The following IMPG1 variants were observed in gnomAD, a reference collection of about 807,000 sequenced individuals.
IMPG1 encodes the protein interphotoreceptor matrix proteoglycan of 150 kDa.
A neutral mutation model predicts 92.0 loss-of-function variants in IMPG1; 85 were observed. The ratio of observed to expected loss-of-function variants is 0.92; its 90% CI spans 0.78 to 1.11. The LOEUF (loss-of-function observed/expected upper bound fraction) is 1.11. Among genes scored for constraint, IMPG1 ranks in the 50% least tolerant of loss-of-function variants. The pLI is 0.00. For synonymous variants in IMPG1, 367 were observed against 334.1 expected (o/e 1.10, Z -1.08); for missense variants, 1,022 against 956.0 (o/e 1.07, Z -0.91).
intron 12 of IMPG1, among the ~76,000 whole-genome samples, chr6:75,967,987 G>A (rs1205288261): frequency 6.6e-6 from 1 of 152,184 alleles, no homozygotes; most frequent in Non-Finnish European, 1.5e-5. Context: ...CAGAACTCAG[G>A]AATGGAGACG....
At chr6:75,980,854 C>G (rs897620161) in intron 12 of IMPG1, among the ~76,000 whole-genome samples, 1 of 152,144 alleles carries the variant, frequency 6.6e-6, no homozygotes, top group Non-Finnish European at 1.5e-5. Context: ...ATGCATATAT[C>G]CTATTAGTTC....
intron 14 of IMPG1, among the ~76,000 whole-genome samples, chr6:75,944,428 T>A (rs1006802147): frequency 6.6e-6 from 1 of 152,242 alleles, no homozygotes; most frequent in South Asian, 2.1e-4. Context: ...TTTTAACTTA[T>A]AAAATCCATA....
At position 76,007,430 on chromosome 6, in the gene IMPG1, T is replaced by C. The variant is rs1364580962; in HGVS notation, c.887+50A>G. ...ATTTGTGCAAAATCAGTATATAAAT[T>C]TGGGGGAGACGGGAATGTACTATAT... On this transcript the variant is annotated intron_variant, in intron 9 of 16. Coordinates refer to ENST00000369950, the MANE Select transcript of IMPG1 (RefSeq NM_001563.4). 4 of 1,393,860 alleles carry C rather than the reference T, an allele frequency of 2.9e-6. No homozygotes were observed. The Admixed American group carries it at 5.8e-5, about 20-fold the overall frequency. 86.3% of individuals were successfully genotyped at this position (1,393,860 alleles called of 1,614,324 possible).
At chr6:76,069,343 G>A (rs1347706161) in intron 1 of IMPG1, among the ~76,000 whole-genome samples, 1 of 152,042 alleles carries the variant, frequency 6.6e-6, no homozygotes, top group African/African-American at 2.4e-5. Flanking sequence ...GAACTCAAAA[G>A]CAAATGTAAC....
intron 13 of IMPG1, among the ~76,000 whole-genome samples, chr6:75,949,444 G>A (rs2149457007): frequency 6.6e-6 from 1 of 152,294 alleles, no homozygotes; most frequent in South Asian, 2.1e-4. Flanking sequence ...CTAAAAAGGG[G>A]AGGCATGAAT....
chr6:75,976,543 A>C (rs1475048066), intron 12 of IMPG1, among the ~76,000 whole-genome samples: 1 of 152,124 alleles, frequency 6.6e-6, no homozygotes, highest in African/African-American at 2.4e-5. Context: ...CCTGGGCGAC[A>C]GAGCGAGACT....
intron 12 of IMPG1, among the ~76,000 whole-genome samples, chr6:75,999,590 G>A (rs1039688191): frequency 8.5e-5 from 13 of 152,102 alleles, no homozygotes; most frequent in Middle Eastern, 3.4e-3. Context: ...TCTGTTTTCC[G>A]TTTTCCATGT....
At chr6:75,997,629 C>T (rs556679954) in intron 12 of IMPG1, among the ~76,000 whole-genome samples, 1 of 152,220 alleles carries the variant, frequency 6.6e-6, no homozygotes, top group South Asian at 2.1e-4. Context: ...GCGTGGGTAC[C>T]AGCACAGGGA....
intron 14 of IMPG1, among the ~76,000 whole-genome samples, chr6:75,940,360 CT>C (rs1781818443): frequency 6.6e-6 from 1 of 152,120 alleles, no homozygotes; most frequent in South Asian, 2.1e-4. Context: ...TTTTTGGAGT[CT>C]TTTAAAAATA....
intron 12 of IMPG1, among the ~76,000 whole-genome samples, chr6:75,983,651 A>G (rs563572790): frequency 6.6e-6 from 1 of 152,328 alleles, no homozygotes; most frequent in South Asian, 2.1e-4. Context: ...GAAAATCTCC[A>G]TGAAAATGGT....
intron 12 of IMPG1, among the ~76,000 whole-genome samples, chr6:75,961,706 C>T (rs546340769): frequency 6.6e-6 from 1 of 152,282 alleles, no homozygotes; most frequent in South Asian, 2.1e-4. Context: ...ATGAGTTAGC[C>T]ATGCAGCAAA....
chr6:76,029,170 C>T (rs1783609733), intron 4 of IMPG1, among the ~76,000 whole-genome samples: 1 of 152,198 alleles, frequency 6.6e-6, no homozygotes, highest in Non-Finnish European at 1.5e-5. Context: ...AAGAATGTCA[C>T]TTTCTAACAG....
rs572734786 is a variant in IMPG1, at chr6:75,935,872, G to A, written c.2045-4721C>T. Among the ~76,000 whole-genome samples the A allele has an allele frequency of 2.4e-4, 36 of 152,308 alleles. No individual in the cohort carries two copies. The South Asian group carries it at 4.8e-3, about 20-fold the overall frequency. ...GGCCTAGAGCCCAGGAAGTCTTAAT[G>A]AGGCCCTGGTAGTCTGACAGTTCTC... On this transcript the variant is annotated intron_variant, in intron 14 of 16. Transcript: ENST00000369950.
chr6:75,995,544 C>T (rs1782883880), intron 12 of IMPG1, among the ~76,000 whole-genome samples: 1 of 152,094 alleles, frequency 6.6e-6, no homozygotes, highest in African/African-American at 2.4e-5. Context: ...GCCTTCTTGT[C>T]GTTCAGATCT....
intron 12 of IMPG1, among the ~76,000 whole-genome samples, chr6:75,999,109 G>A (rs558244243): frequency 1.4e-4 from 21 of 152,104 alleles, no homozygotes; most frequent in Admixed American, 2.6e-4. Context: ...TGCCTGCCTC[G>A]GCCTCCCAAA....
chr6:76,006,734 A>G (rs1329712642), intron 9 of IMPG1, among the ~76,000 whole-genome samples: 1 of 152,150 alleles, frequency 6.6e-6, no homozygotes, highest in Non-Finnish European at 1.5e-5. Flanking sequence ...GAGAAAAGAG[A>G]AAAATAAGCA....
chr6:75,967,491 C>T (rs1422576018), intron 12 of IMPG1, among the ~76,000 whole-genome samples: 2 of 152,118 alleles, frequency 1.3e-5, no homozygotes, highest in Non-Finnish European at 2.9e-5. Flanking sequence ...CCTCATCAGA[C>T]ACAATGTCAG....
intron 14 of IMPG1, among the ~76,000 whole-genome samples, chr6:75,937,860 T>G (rs909807142): frequency 6.6e-6 from 1 of 152,196 alleles, no homozygotes; most frequent in African/African-American, 2.4e-5. Flanking sequence ...TTGAGGAGGC[T>G]TCTTAGGAAT....
At chr6:76,026,858 A>G (rs1783548295) in intron 4 of IMPG1, among the ~76,000 whole-genome samples, 1 of 152,062 alleles carries the variant, frequency 6.6e-6, no homozygotes, top group African/African-American at 2.4e-5. Flanking sequence ...ATTTTGTTAT[A>G]CATCCTGAGG....
Sources: gnomAD v4.1 joint callset for allele counts (sites outside exome capture counted in the v4.1 genomes callset) on GRCh38, gnomAD v4.1.1 for gene constraint, MANE v1.5 for transcripts, NCBI Gene and HGNC (gene_info 2026-07-23, HGNC 2026-07-21) for gene names.